Variants in PTPRN2 observed in about 807,000 individuals in gnomAD.
PTPRN2 encodes the protein receptor-type tyrosine-protein phosphatase N2.
In PTPRN2, 74 loss-of-function variants were observed where a neutral mutation model predicts 118.8. The ratio of observed to expected loss-of-function variants is 0.62; its 90% CI spans 0.52 to 0.76. The LOEUF is 0.76. PTPRN2 is among the 30% of genes least tolerant of loss of function. The probability of loss-of-function intolerance (pLI) is 0.00; values close to 1 mark genes in which losing one functional copy is unlikely to be tolerated. For missense variants in PTPRN2, 1,481 were observed against 1,394.4 expected, an observed-to-expected ratio of 1.06 and a Z score of -0.99; for synonymous variants, 641 against 608.0, an observed-to-expected ratio of 1.05 and a Z score of -0.80.
intron 11 of PTPRN2, among the ~76,000 whole-genome samples, chr7:157,996,266 C>A (rs1280888314): frequency 2.6e-5 from 4 of 152,188 alleles, no homozygotes; most frequent in African/African-American, 7.2e-5. Context: ...ACAATGGACG[C>A]TGCAGACCCG....
At chr7:158,189,463 A>T (rs769443878) in intron 5 of PTPRN2, among the ~76,000 whole-genome samples, 8 of 152,202 alleles carry the variant, frequency 5.3e-5, no homozygotes, top group Non-Finnish European at 8.8e-5. Flanking sequence ...TCCAAGGCAC[A>T]TTGGACGAGC....
chr7:157,830,013 T>A (rs1807450223), intron 12 of PTPRN2, among the ~76,000 whole-genome samples: 1 of 152,192 alleles, frequency 6.6e-6, no homozygotes, highest in Non-Finnish European at 1.5e-5. Flanking sequence ...GAACTCCTGG[T>A]CTGCAGTATC....
At chr7:157,572,402 G>A (rs1799798795) in intron 19 of PTPRN2, among the ~76,000 whole-genome samples, 1 of 152,176 alleles carries the variant, frequency 6.6e-6, no homozygotes, top group Non-Finnish European at 1.5e-5. Flanking sequence ...ACCATCAATG[G>A]GAAAATGTCA....
At position 158,100,478 on chromosome 7, in the gene PTPRN2, C is replaced by A. The variant is rs146917375; in HGVS notation, c.1643+10351G>T. Among the ~76,000 whole-genome samples the A allele has an allele frequency of 5.1e-3, 775 of 152,336 alleles. 26 individuals are homozygous for A. The East Asian group carries it at 0.098, about 19-fold the overall frequency. On this transcript the variant is annotated intron_variant, in intron 10 of 22. Coordinates refer to ENST00000389418, the MANE Select transcript of PTPRN2 (RefSeq NM_002847.5). ...TTTAGTTCTTTAAGGAATCTCCACA[C>A]TGTTTTCCATAGTGGCTGTGCTAGT...
chr7:158,513,086 A>C (rs1389391586), intron 1 of PTPRN2, among the ~76,000 whole-genome samples: 1 of 152,124 alleles, frequency 6.6e-6, no homozygotes, highest in African/African-American at 2.4e-5. Context: ...GCAGGGAAAG[A>C]GGGAAGCGGG....
At chr7:158,125,971 G>T (rs1356356813) in intron 9 of PTPRN2, among the ~76,000 whole-genome samples, 2 of 152,160 alleles carry the variant, frequency 1.3e-5, no homozygotes, top group African/African-American at 4.8e-5. Flanking sequence ...GGCCTCCTGG[G>T]CAGCCACTAG....
At chr7:157,975,796 G>C (rs1802703039) in intron 11 of PTPRN2, among the ~76,000 whole-genome samples, 1 of 151,850 alleles carries the variant, frequency 6.6e-6, no homozygotes, top group Admixed American at 6.6e-5. Context: ...TAACCACCAG[G>C]TACCTACTGT....
Position 157,626,524 on chromosome 7 carries a change from T to C in PTPRN2, c.2197-5015A>G, listed in dbSNP as rs1187107000. ...CATGCCCATTACCTACCCCACCCCA[T>C]GATCTTTCTTCCCTATAACCCACCC... On this transcript the variant is annotated intron_variant, in intron 14 of 22. Transcript: ENST00000389418. 3.9e-5 allele frequency among the ~76,000 whole-genome samples: 6 copies of C among 152,192 alleles called. No individual in the cohort carries two copies. The East Asian group carries it at 1.2e-3, about 29-fold the overall frequency.
intron 12 of PTPRN2, among the ~76,000 whole-genome samples, chr7:157,755,822 C>G (rs764910185): frequency 1.3e-5 from 2 of 152,170 alleles, no homozygotes; most frequent in Admixed American, 6.5e-5. Flanking sequence ...TTACTCCAAA[C>G]CTCAGCATCA....
chr7:158,092,121 T>C (rs1036546656), intron 10 of PTPRN2, among the ~76,000 whole-genome samples: 4 of 148,914 alleles, frequency 2.7e-5, no homozygotes, highest in Non-Finnish European at 4.5e-5. Flanking sequence ...GGTAGAGAGA[T>C]GGTTGGGTGA....
At chr7:157,895,680 C>A (rs1374722893) in intron 12 of PTPRN2, among the ~76,000 whole-genome samples, 1 of 150,698 alleles carries the variant, frequency 6.6e-6, no homozygotes, top group Non-Finnish European at 1.5e-5. Flanking sequence ...CGTGTAGCAT[C>A]GAGGGAGGGA....
At chr7:158,207,476 G>T (rs1051055762) in intron 3 of PTPRN2, among the ~76,000 whole-genome samples, 1 of 152,034 alleles carries the variant, frequency 6.6e-6, no homozygotes, top group East Asian at 1.9e-4. Context: ...AAGAGCTTCT[G>T]CACAGCAAAA....
chr7:158,543,031 G>A (rs755281858), intron 1 of PTPRN2, among the ~76,000 whole-genome samples: 106 of 152,220 alleles, frequency 7.0e-4, no homozygotes, highest in Non-Finnish European at 9.8e-4. Flanking sequence ...ATAAGGAAAG[G>A]TTAGAAACTC....
At chr7:158,132,376 C>A (rs746770938) in intron 9 of PTPRN2, among the ~76,000 whole-genome samples, 12 of 151,998 alleles carry the variant, frequency 7.9e-5, no homozygotes, top group Non-Finnish European at 1.3e-4. Flanking sequence ...TACACTCATA[C>A]ACACACATGC....
intron 2 of PTPRN2, among the ~76,000 whole-genome samples, chr7:158,393,973 G>C (rs1259529004): frequency 1.3e-5 from 2 of 150,562 alleles, no homozygotes; most frequent in Non-Finnish European, 3.0e-5. Context: ...CCCTTAAACT[G>C]TGCCATCAGC....
chr7:158,292,177 C>T lies in PTPRN2; in HGVS notation c.277+24642G>A, dbSNP rs569712075. Among the ~76,000 whole-genome samples the T allele has an allele frequency of 3.0e-4, 46 of 152,300 alleles. 1 individual carries two copies. In the South Asian group the frequency reaches 9.5e-3, roughly 32 times the overall value. On this transcript the variant is annotated intron_variant, in intron 3 of 22. Transcript: ENST00000389418. Reference sequence around the variant, plus strand: ...GCTGCCATCTGGTAAGCTTCCAGTTCCGATAGGTCTCAATTTCCTCCTCTG... The same window carrying T: ...GCTGCCATCTGGTAAGCTTCCAGTTTCGATAGGTCTCAATTTCCTCCTCTG...
intron 17 of PTPRN2, among the ~76,000 whole-genome samples, chr7:157,593,849 C>G (rs1466633003): frequency 6.6e-6 from 1 of 152,208 alleles, no homozygotes; most frequent in Non-Finnish European, 1.5e-5. Flanking sequence ...CCAAGTGCCC[C>G]CAAAACCATC....
At chr7:157,927,856 C>A (rs567599191) in intron 11 of PTPRN2, among the ~76,000 whole-genome samples, 1 of 152,178 alleles carries the variant, frequency 6.6e-6, no homozygotes, top group East Asian at 1.9e-4. Flanking sequence ...CGAGTTCTTA[C>A]GCACACCCTT....
intron 11 of PTPRN2, among the ~76,000 whole-genome samples, chr7:158,062,979 C>A (rs1810471050): frequency 6.6e-6 from 1 of 152,250 alleles, no homozygotes; most frequent in Non-Finnish European, 1.5e-5. Flanking sequence ...GACTGGCAGG[C>A]AGCTCCGCCT....
Sources: gnomAD v4.1 joint callset for allele counts (sites outside exome capture counted in the v4.1 genomes callset) on GRCh38, gnomAD v4.1.1 for gene constraint, MANE v1.5 for transcripts, NCBI Gene and HGNC (gene_info 2026-07-23, HGNC 2026-07-21) for gene names.